SLC9C2: variants seen among roughly 807,000 people sequenced by gnomAD.
SLC9C2 encodes the protein sodium/hydrogen exchanger 11.
In SLC9C2, 75 loss-of-function variants were observed where a neutral mutation model predicts 140.2. That is an observed-to-expected ratio of 0.53 (90% CI 0.44 to 0.65). The LOEUF (loss-of-function observed/expected upper bound fraction) is 0.65, where lower values mean the gene tolerates loss of function less well. Among genes scored for constraint, SLC9C2 ranks in the 30% least tolerant of loss-of-function variants. The pLI is 0.00. For missense variants in SLC9C2, 1,074 were observed against 1,331.8 expected (o/e 0.81, Z 3.01); for synonymous variants, 375 against 420.9 (o/e 0.89, Z 1.34).
At chr1:173,506,714 A>C (rs148521569) in intron 25 of SLC9C2, 142 bp downstream of exon 25, 2 of 686,442 alleles carry the variant, frequency 2.9e-6, no homozygotes, top group East Asian at 5.6e-5. Context: ...CCCTAGGTAC[A>C]TTTTTACTGT....
chr1:173,554,829 C>T lies in SLC9C2; in HGVS notation c.1216-15G>A, dbSNP rs2102089022. 2.0e-6 allele frequency: 3 copies of T among 1,473,662 alleles called. No homozygotes were observed. In the East Asian group the frequency reaches 6.9e-5, roughly 34 times the overall value. The allele number at this position is 1,473,662 out of a possible 1,614,324, so 91.3% of individuals were successfully genotyped here. On this transcript the variant is annotated splice_polypyrimidine_tract_variant and intron_variant, in intron 10 of 27. Coordinates refer to ENST00000367714, the MANE Select transcript of SLC9C2 (RefSeq NM_178527.4). ...TAGAGTATAAACTAAAAACAAAGCA[C>T]ATAAATAGTTAGAACCAAAACATTA...
Position 173,547,668 on chromosome 1 carries a change from CATT to C in SLC9C2, c.1557+18_1557+20del, listed in dbSNP as rs772809594. The C allele has an allele frequency of 1.3e-6, 2 of 1,581,214 alleles. No homozygotes were observed. Among genetic ancestry groups the C allele is most frequent in the African/African-American group, 1.4e-5 (1 of 74,032 alleles). Reference sequence around the variant, plus strand: ...CATTGCAAGAAAGGAAATTTTAAAACATTATGTGAACAGCACCAACCATTTGTA... The same window carrying C: ...CATTGCAAGAAAGGAAATTTTAAAACATGTGAACAGCACCAACCATTTGTA... On this transcript the variant is annotated intron_variant, in intron 13 of 27. Coordinates refer to ENST00000367714, the MANE Select transcript of SLC9C2 (RefSeq NM_178527.4).
chr1:173,544,028 C>T (rs1662644308), intron 13 of SLC9C2, among the ~76,000 whole-genome samples: 1 of 152,140 alleles, frequency 6.6e-6, no homozygotes, highest in Admixed American at 6.5e-5. Context: ...AACTAAAGAG[C>T]TTCTGCACAG....
At position 173,601,758 on chromosome 1, in the gene SLC9C2, C is replaced by A. The variant is rs776109191; in HGVS notation, c.19G>T (p.Ala7Ser). Residue 7 changes from alanine to serine, a missense_variant, in exon 2 of 28, where the codon GCA becomes TCA. Physicochemically the swap from Ala to Ser is moderately conservative, Grantham distance 99. Transcript: ENST00000367714. ...TCAGGTCTGTTACTTTCATTTTGTG[C>A]CCAGAAGTAAGAACTCATTTTTGCT... The part of the protein sequence containing the change: MSSYFW[A>S]QNESNRPDLL... 3.7e-6 allele frequency: 6 copies of A among 1,613,748 alleles called. No individual in the cohort carries two copies. The highest frequency in any genetic ancestry group is 3.3e-4 in the Middle Eastern group (2 of 6,084).
Position 173,524,872 on chromosome 1 carries a change from T to G in SLC9C2, c.2421A>C (p.Ala807=). The change falls in exon 20 of 28, where the codon GCA becomes GCC. Residue 807 remains alanine (A), a synonymous_variant. Coordinates refer to ENST00000367714, the MANE Select transcript of SLC9C2 (RefSeq NM_178527.4). ...GAGCTTTAGCAATCACATTCCGGAT[T>G]GCCTGTTTAGTCTTCAAAGCAATGA... The part of the protein sequence containing the change: ...DVVIALKTKQ[A]IRNVIAKALK... 1 of 1,614,128 alleles carries G rather than the reference T, an allele frequency of 6.2e-7. No homozygotes were observed. Among genetic ancestry groups the G allele is most frequent in the Non-Finnish European group, 8.5e-7 (1 of 1,179,974 alleles).
chr1:173,580,349 A>G (rs996065522), intron 7 of SLC9C2, among the ~76,000 whole-genome samples: 1 of 150,194 alleles, frequency 6.7e-6, no homozygotes, highest in Non-Finnish European at 1.5e-5. Flanking sequence ...ATTAGGTGAT[A>G]TAACACTTTT....
chr1:173,557,987 G>T (rs1410399822), intron 9 of SLC9C2, among the ~76,000 whole-genome samples: 4 of 152,116 alleles, frequency 2.6e-5, no homozygotes, highest in African/African-American at 9.7e-5. Context: ...TACGCTAAAT[G>T]TCACACAAAT....
At chr1:173,507,879 T>C (rs1659768311) in intron 24 of SLC9C2, among the ~76,000 whole-genome samples, 1 of 152,176 alleles carries the variant, frequency 6.6e-6, no homozygotes, top group Admixed American at 6.5e-5. Flanking sequence ...CTGGTTTTTT[T>C]ACGCCACCCA....
chr1:173,568,992 C>T (rs945742288), intron 9 of SLC9C2, among the ~76,000 whole-genome samples: 1 of 152,140 alleles, frequency 6.6e-6, no homozygotes. Flanking sequence ...TAGGAAAGGT[C>T]TGATGTTGAT....
intron 11 of SLC9C2, among the ~76,000 whole-genome samples, chr1:173,550,419 A>ATTTT (rs1167451571): frequency 3.5e-5 from 5 of 143,282 alleles, no homozygotes; most frequent in Non-Finnish European, 6.0e-5. Flanking sequence ...TTATTTTTTT[A>ATTTT]TTTTATTTAT....
Position 173,534,697 on chromosome 1 carries a change from A to G in SLC9C2, c.1776-15T>C, listed in dbSNP as rs199581098. The G allele has an allele frequency of 6.3e-4, 903 of 1,433,390 alleles. 4 individuals carry two copies. The highest frequency in any genetic ancestry group is 1.7e-3 in the Admixed American group (63 of 36,784). 88.8% of individuals were successfully genotyped at this position (1,433,390 alleles called of 1,614,324 possible). ...ATGTATTACTCCTGAAAAGAGATCAAATAAAATGTTAGATCACTTAAAAGT... is the reference window on the plus strand; with the variant it reads ...ATGTATTACTCCTGAAAAGAGATCAGATAAAATGTTAGATCACTTAAAAGT... On this transcript the variant is annotated splice_polypyrimidine_tract_variant and intron_variant, in intron 15 of 27. Coordinates refer to ENST00000367714, the MANE Select transcript of SLC9C2 (RefSeq NM_178527.4).
chr1:173,560,771 T>C (rs1175614685), intron 9 of SLC9C2, among the ~76,000 whole-genome samples: 5 of 152,062 alleles, frequency 3.3e-5, no homozygotes, highest in Admixed American at 6.6e-5. Context: ...CGTTTCTTGT[T>C]CCTTCTCTCT....
At chr1:173,509,881 G>T (rs1659922562) in intron 23 of SLC9C2, among the ~76,000 whole-genome samples, 182 bp from the exon 24 acceptor site, 1 of 152,174 alleles carries the variant, frequency 6.6e-6, no homozygotes, top group African/African-American at 2.4e-5. Context: ...AGTATAAGAT[G>T]ATAAAATGTA....
chr1:173,558,754 C>A (rs2102111271), intron 9 of SLC9C2, among the ~76,000 whole-genome samples: 1 of 152,288 alleles, frequency 6.6e-6, no homozygotes, highest in South Asian at 2.1e-4. Context: ...TTCGTGTATT[C>A]CCATTTCTCT....
At chr1:173,568,515 T>A (rs1055487043) in intron 9 of SLC9C2, among the ~76,000 whole-genome samples, 3 of 152,230 alleles carry the variant, frequency 2.0e-5, no homozygotes, top group Non-Finnish European at 4.4e-5. Flanking sequence ...TACATTTTCT[T>A]TATCCAATCT....
rs1666698019 is a variant in SLC9C2 at position 173,600,132 on chromosome 1, G to A, written c.213C>T (p.Ala71=). ...CATACAGTACCTCAACAGAATTGTAGGCCATGTGTCCTATCACGAATCCTG... is the reference window on the plus strand; with the variant it reads ...CATACAGTACCTCAACAGAATTGTAAGCCATGTGTCCTATCACGAATCCTG... ...SLSGFVIGHM[A]YNSVEVHQIV... Residue 71 remains alanine, a synonymous_variant, in exon 3 of 28, where the codon GCC becomes GCT. Transcript: ENST00000367714. 1.9e-6 allele frequency: 3 copies of A among 1,602,646 alleles called. No individual in the cohort carries two copies. Among genetic ancestry groups the A allele is most frequent in the South Asian group, 2.2e-5 (2 of 89,214 alleles).
chr1:173,573,349 A>C, intron 8 of SLC9C2, 24 bp from the exon 9 acceptor site: 3 of 1,401,372 alleles, frequency 2.1e-6, no homozygotes, highest in Non-Finnish European at 2.9e-6. Context: ...AATAGAAATG[A>C]CATTTTAAGC....
intron 24 of SLC9C2, among the ~76,000 whole-genome samples, chr1:173,508,800 G>C (rs1659832594): frequency 6.6e-6 from 1 of 152,198 alleles, no homozygotes; most frequent in African/African-American, 2.4e-5. Context: ...TGTAAATTGT[G>C]CTTGTCCAGA....
intron 13 of SLC9C2, among the ~76,000 whole-genome samples, chr1:173,545,463 TA>T (rs1662777026): frequency 6.6e-6 from 1 of 152,352 alleles, no homozygotes; most frequent in African/African-American, 2.4e-5. Context: ...CATGGACACG[TA>T]ATTTCTCAGG....
Sources: gnomAD v4.1 joint callset for allele counts (sites outside exome capture counted in the v4.1 genomes callset) on GRCh38, gnomAD v4.1.1 for gene constraint, MANE v1.5 for transcripts, NCBI Gene and HGNC (gene_info 2026-07-23, HGNC 2026-07-21) for gene names.